Variants in GAS2 observed in about 807,000 individuals in gnomAD.
GAS2 encodes growth arrest specific 2.
In GAS2, 20 loss-of-function variants were observed where a neutral mutation model predicts 37.5. The ratio of observed to expected loss-of-function variants is 0.53; its 90% confidence interval spans 0.37 to 0.77. GAS2 has a LOEUF of 0.77. Among genes scored for constraint, GAS2 ranks in the 30% least tolerant of loss-of-function variants. The probability of loss-of-function intolerance (pLI) is 0.00; values close to 1 mark genes in which losing one functional copy is unlikely to be tolerated. For synonymous variants in GAS2, 144 were observed against 132.2 expected (o/e 1.09, Z -0.61); for missense variants, 336 against 373.4 (o/e 0.90, Z 0.82).
At chr11:22,811,716 T>G in intron 7 of GAS2, 82 bp from the exon 8 acceptor site, 1 of 1,322,298 alleles carries the variant, frequency 7.6e-7, no homozygotes, top group Non-Finnish European at 1.1e-6. Context: ...ACCAAAACAC[T>G]AATTTCACTA....
At chr11:22,731,120 A>G (rs893300914) in intron 4 of GAS2, among the ~76,000 whole-genome samples, 2 of 151,752 alleles carry the variant, frequency 1.3e-5, no homozygotes, top group African/African-American at 2.4e-5. Context: ...CTTGCTGTAC[A>G]GTTTATTATT....
intron 7 of GAS2, among the ~76,000 whole-genome samples, chr11:22,802,669 G>A (rs987112810): frequency 6.6e-6 from 1 of 151,926 alleles, no homozygotes; most frequent in Admixed American, 6.6e-5. Context: ...TTATAGTGTT[G>A]GAGGCTATTT....
chr11:22,669,448 T>C (rs1330250183), intron 1 of GAS2, among the ~76,000 whole-genome samples: 3 of 152,188 alleles, frequency 2.0e-5, no homozygotes, highest in Non-Finnish European at 4.4e-5. Flanking sequence ...ATTCAGGTTT[T>C]TTTAAATCAT....
chr11:22,771,253 T>G (rs1278429214), intron 7 of GAS2, among the ~76,000 whole-genome samples: 2 of 152,192 alleles, frequency 1.3e-5, no homozygotes, highest in African/African-American at 2.4e-5. Context: ...GCTCCAGGAA[T>G]GTTGAGCTTA....
At chr11:22,754,325 C>G (rs1360636729) in intron 6 of GAS2, among the ~76,000 whole-genome samples, 1 of 151,702 alleles carries the variant, frequency 6.6e-6, no homozygotes, top group East Asian at 1.9e-4. Flanking sequence ...AATGAAATAC[C>G]ATCTTAACTC....
In GAS2 at chr11:22,749,189, C is replaced by T. The variant is rs771602352; in HGVS notation, c.543C>T (p.Ala181=). The change falls in exon 6 of 8, where the codon GCC becomes GCT. Residue 181 remains alanine, a synonymous_variant. Coordinates refer to ENST00000454584, the MANE Select transcript of GAS2 (RefSeq NM_001143830.3). The stretch of plus-strand genomic sequence containing the variant: ...TTGAACAAGAAGAAACACTTTCTGC[C>T]CCTTCTCCTTCACCTTCTCCTTCAT... ...KEIEQEETLS[A]PSPSPSPSSK... The T allele has an allele frequency of 6.2e-7, 1 of 1,612,300 alleles. No individual in the cohort carries two copies. Among genetic ancestry groups the T allele is most frequent in the Middle Eastern group, 1.7e-4 (1 of 6,052 alleles).
Position 22,695,091 on chromosome 11 carries a change from G to A in GAS2, c.267+9302G>A, listed in dbSNP as rs551432609. ...TCCCAATACTTCGGGAGGCTGAGGC[G>A]GGTGGATCACTTGAGGTCAGGAGTT... On this transcript the variant is annotated intron_variant, in intron 3 of 7. Transcript: ENST00000454584. Among the ~76,000 whole-genome samples the A allele has an allele frequency of 5.9e-5, 9 of 152,044 alleles. No individual in the cohort carries two copies. In the East Asian group the frequency reaches 1.6e-3, roughly 26 times the overall value.
intron 7 of GAS2, among the ~76,000 whole-genome samples, chr11:22,762,669 T>C (rs1854460349): frequency 6.6e-6 from 1 of 152,140 alleles, no homozygotes; most frequent in African/African-American, 2.4e-5. Flanking sequence ...GCATAATCAA[T>C]AGTGCCTAAT....
chr11:22,681,596 C>A (rs1849687000), intron 2 of GAS2, among the ~76,000 whole-genome samples: 1 of 152,102 alleles, frequency 6.6e-6, no homozygotes, highest in Admixed American at 6.6e-5. Flanking sequence ...AAACACCAAC[C>A]ACAATGAAAT....
chr11:22,810,076 T>G (rs887636151), intron 7 of GAS2, among the ~76,000 whole-genome samples: 2 of 152,180 alleles, frequency 1.3e-5, no homozygotes, highest in African/African-American at 2.4e-5. Context: ...CGCCAGTCAC[T>G]GAAACATTGA....
chr11:22,751,279 T>A (rs1282472263), intron 6 of GAS2, among the ~76,000 whole-genome samples: 1 of 151,954 alleles, frequency 6.6e-6, no homozygotes, highest in Non-Finnish European at 1.5e-5. Context: ...TTACACTACT[T>A]TTAAACACCT....
In GAS2 at chr11:22,811,872, C is replaced by G. The variant is rs746242334; in HGVS notation, c.798C>G (p.His266Gln). Residue 266 changes from histidine to glutamine, a missense_variant, in exon 8 of 8, where the codon CAC (histidine) becomes CAG (glutamine). His to Gln is a conservative substitution (Grantham distance 24). Coordinates refer to ENST00000454584, the MANE Select transcript of GAS2 (RefSeq NM_001143830.3). ...WETFAGYLLK[H>Q]DPCRMLQISR... ...CTTTTGCAGGGTATTTGTTGAAACA[C>G]GACCCCTGCCGAATGCTGCAGATCT... The G allele has an allele frequency of 6.2e-7, 1 of 1,614,072 alleles. No individual in the cohort carries two copies. Among genetic ancestry groups the G allele is most frequent in the Non-Finnish European group, 8.5e-7 (1 of 1,179,976 alleles).
intron 6 of GAS2, among the ~76,000 whole-genome samples, chr11:22,752,909 G>A (rs2134312991): frequency 6.6e-6 from 1 of 152,142 alleles, no homozygotes; most frequent in Admixed American, 6.6e-5. Flanking sequence ...TATCATGAAA[G>A]AAACACAGTG....
chr11:22,646,281 T>C (rs1373926160), intron 1 of GAS2, among the ~76,000 whole-genome samples: 1 of 152,244 alleles, frequency 6.6e-6, no homozygotes, highest in Non-Finnish European at 1.5e-5. Context: ...TTAGTTTGTT[T>C]ACAGATTATA....
intron 1 of GAS2, among the ~76,000 whole-genome samples, chr11:22,654,726 G>T (rs1044177083): frequency 1.3e-5 from 2 of 152,160 alleles, no homozygotes; most frequent in Non-Finnish European, 2.9e-5. Flanking sequence ...TGACATGCAA[G>T]AACTCATAGG....
At chr11:22,653,098 T>G (rs538476579) in intron 1 of GAS2, among the ~76,000 whole-genome samples, 26 of 150,992 alleles carry the variant, frequency 1.7e-4, no homozygotes, top group African/African-American at 6.3e-4. Context: ...CCTTCCTTCC[T>G]TCTTTCCTCC....
At chr11:22,675,150 G>GATGC in intron 2 of GAS2, 136 bp downstream of exon 2, 2 of 856,912 alleles carry the variant, frequency 2.3e-6, no homozygotes, top group Non-Finnish European at 3.4e-6. Flanking sequence ...TTGCATCTGG[G>GATGC]AAACCTGAAG....
intron 3 of GAS2, among the ~76,000 whole-genome samples, chr11:22,713,121 A>G (rs1409429785): frequency 1.3e-5 from 2 of 151,496 alleles, no homozygotes; most frequent in Admixed American, 1.3e-4. Context: ...AAAAACATAT[A>G]GGATACAGAT....
At chr11:22,671,953 T>C (rs1349623201) in intron 1 of GAS2, among the ~76,000 whole-genome samples, 1 of 150,522 alleles carries the variant, frequency 6.6e-6, no homozygotes, top group Non-Finnish European at 1.5e-5. Flanking sequence ...AGCCAAACCG[T>C]TGAGTCATTT....
Sources: gnomAD v4.1 joint callset for allele counts (sites outside exome capture counted in the v4.1 genomes callset) on GRCh38, gnomAD v4.1.1 for gene constraint, MANE v1.5 for transcripts, NCBI Gene and HGNC (gene_info 2026-07-23, HGNC 2026-07-21) for gene names.